Variants in TNNT3 observed in about 807,000 individuals in gnomAD.
The protein encoded by TNNT3 is troponin T3, fast skeletal type.
In TNNT3, 36 loss-of-function variants were observed where a neutral mutation model predicts 54.2. The ratio of observed to expected loss-of-function variants is 0.66; its 90% CI spans 0.51 to 0.88. TNNT3 has a LOEUF of 0.88. Among genes scored for constraint, TNNT3 ranks in the 40% least tolerant of loss-of-function variants. TNNT3 has a pLI of 0.00. For missense variants in TNNT3, 291 were observed against 331.6 expected (o/e 0.88, Z 0.95); for synonymous variants, 120 against 109.7 (o/e 1.09, Z -0.59).
At chr11:1,923,769 CTTAA>C (rs1001472532) in intron 4 of TNNT3, among the ~76,000 whole-genome samples, 197 bp downstream of exon 4, 8 of 152,114 alleles carry the variant, frequency 5.3e-5, no homozygotes, top group African/African-American at 1.7e-4. Context: ...GAGGCCACCA[CTTAA>C]TTAATGATGG....
chr11:1,932,632 T>C (rs1337318892), intron 9 of TNNT3, 118 bp downstream of exon 9: 1 of 946,834 alleles, frequency 1.1e-6, no homozygotes, highest in African/African-American at 1.6e-5. Flanking sequence ...CTCCTGGGTC[T>C]GGGCAATTCT....
At chr11:1,922,820 CCTCTCT>C (rs140086507) in intron 1 of TNNT3, 31 bp from the exon 2 acceptor site, 8 of 1,464,990 alleles carry the variant, frequency 5.5e-6, no homozygotes, top group East Asian at 2.4e-5. Flanking sequence ...CTCTTTCCAT[CCTCTCT>C]CTCTCTCTCT....
In TNNT3 at chr11:1,938,482, G is replaced by A. The variant is rs202179523; in HGVS notation, c.767G>A (p.Arg256His). Reference protein sequence around the residue: ...GTPAKGKVGGRWK With the variant: ...GTPAKGKVGGHWK ...CCAGCCAAGGGCAAAGTCGGCGGGCGCTGGAAGTAGAGAGGCCAGAAAGGC... is the reference window on the plus strand; with the variant it reads ...CCAGCCAAGGGCAAAGTCGGCGGGCACTGGAAGTAGAGAGGCCAGAAAGGC... The change falls in exon 16 of 16, where the codon CGC becomes CAC. Residue 256 changes from arginine to histidine, a missense_variant. Coordinates refer to ENST00000278317, the MANE Select transcript of TNNT3 (RefSeq NM_006757.4). 8 of 1,613,320 alleles carry A rather than the reference G, an allele frequency of 5.0e-6. No individual in the cohort carries two copies. The highest frequency in any genetic ancestry group is 2.2e-5 in the East Asian group (1 of 44,854).
chr11:1,926,355 A>T, intron 5 of TNNT3: 2 of 1,318,738 alleles, frequency 1.5e-6, no homozygotes, highest in South Asian at 1.2e-5. Flanking sequence ...CCCCGCACGC[A>T]CCCCACCCTC....
intron 14 of TNNT3, chr11:1,935,613 C>G (rs750289590): frequency 8.2e-4 from 135 of 165,414 alleles, no homozygotes; most frequent in Non-Finnish European, 1.5e-3. Flanking sequence ...CCCAAACACC[C>G]GTTTGGGCTC....
Position 1,938,584 on chromosome 11 carries a change from T to C in TNNT3, c.*92T>C. The C allele has an allele frequency of 2.2e-6, 3 of 1,342,704 alleles. No homozygotes were observed. The highest frequency in any genetic ancestry group is 1.1e-6 in the Non-Finnish European group (1 of 949,490). 83.2% of individuals were successfully genotyped at this position (1,342,704 alleles called of 1,614,324 possible). On this transcript the variant is annotated 3_prime_UTR_variant, in exon 16 of 16. Transcript: ENST00000278317. ...ACTCCACATCCTCCAGCCCCCACAA[T>C]CCTGTCAGGGGCTCCCTGACAGTCC...
At chr11:1,932,714 A>G (rs1853757397) in intron 9 of TNNT3, among the ~76,000 whole-genome samples, 200 bp downstream of exon 9, 1 of 151,712 alleles carries the variant, frequency 6.6e-6, no homozygotes, top group African/African-American at 2.4e-5. Context: ...TCCTCCATCT[A>G]TCCTTCTATC....
intron 8 of TNNT3, among the ~76,000 whole-genome samples, chr11:1,930,737 C>T (rs914326926): frequency 6.6e-5 from 10 of 152,124 alleles, no homozygotes; most frequent in Non-Finnish European, 1.0e-4. Flanking sequence ...AAGGGTACAG[C>T]CGGCGTATTC....
At position 1,928,194 on chromosome 11, in the gene TNNT3, C is replaced by T. The variant is rs546824275; in HGVS notation, c.83-926C>T. Among the ~76,000 whole-genome samples the T allele has an allele frequency of 4.9e-4, 74 of 152,366 alleles. 1 individual carries two copies. The East Asian group carries it at 0.013, about 26-fold the overall frequency. On this transcript the variant is annotated intron_variant, in intron 6 of 15. Coordinates refer to ENST00000278317, the MANE Select transcript of TNNT3 (RefSeq NM_006757.4). ...GAGGGCCGAGGGCATCGTGTGTCAA[C>T]GGCCTTGCTGCCACCTAAGGCCCAG... is the stretch of plus-strand genomic sequence containing the variant.
chr11:1,934,070 A>C, intron 11 of TNNT3, 62 bp downstream of exon 11: 3 of 1,511,806 alleles, frequency 2.0e-6, no homozygotes, highest in Non-Finnish European at 2.7e-6. Context: ...AGAGAAATGC[A>C]GGGGGCTGAG....
intron 7 of TNNT3, among the ~76,000 whole-genome samples, chr11:1,929,357 C>G (rs531597854): frequency 1.3e-5 from 2 of 152,270 alleles, no homozygotes; most frequent in South Asian, 4.1e-4. Context: ...GCCACCGCTC[C>G]AAGTTTCTGC....
intron 15 of TNNT3, 74 bp from the exon 16 acceptor site, chr11:1,938,364 G>A (rs778434568): frequency 2.7e-5 from 42 of 1,547,650 alleles, no homozygotes; most frequent in African/African-American, 4.1e-5. Context: ...CTGAGAGTCC[G>A]CCCAGGGTGG....
In TNNT3 at chr11:1,923,601, C is replaced by G. The variant is rs199583374; in HGVS notation, c.49+29C>G. 142 of 1,522,580 alleles carry G rather than the reference C, an allele frequency of 9.3e-5. No individual in the cohort carries two copies. In the South Asian group the frequency reaches 1.4e-3, roughly 16 times the overall value. The allele number at this position is 1,522,580 out of a possible 1,614,324, so 94.3% of individuals were successfully genotyped here. A position where few individuals can be genotyped will look rare whatever the true frequency, so the allele number is the denominator to read the frequency against. On this transcript the variant is annotated intron_variant, in intron 4 of 15. Transcript: ENST00000278317. ...ATTCTGGCAACCACCGGAAGCCCCC[C>G]CAGCCCCTCCTTGGAACTTAACCCC...
rs78052561 is a variant in TNNT3 at position 1,924,088 on chromosome 11, A to G, written c.49+516A>G. ...TCTCTCAGCTTCTCTCTGTCTCTGT[A>G]TCTTTCAGCCTCTTGGTCTCTGTCT... On this transcript the variant is annotated intron_variant, in intron 4 of 15. Coordinates refer to ENST00000278317, the MANE Select transcript of TNNT3 (RefSeq NM_006757.4). Among the ~76,000 whole-genome samples the G allele has an allele frequency of 4.8e-3, 734 of 151,468 alleles. 9 individuals carry two copies. The highest frequency in any genetic ancestry group is 0.017 in the African/African-American group (702 of 41,214).
At chr11:1,930,524 A>C (rs367668780) in intron 8 of TNNT3, among the ~76,000 whole-genome samples, 64 of 152,166 alleles carry the variant, frequency 4.2e-4, no homozygotes, top group African/African-American at 1.4e-3. Context: ...TGGTTTTTTT[A>C]ATGCAGCTCT....
At chr11:1,928,627 C>G (rs946538248) in intron 6 of TNNT3, among the ~76,000 whole-genome samples, 2 of 152,156 alleles carry the variant, frequency 1.3e-5, no homozygotes, top group Non-Finnish European at 2.9e-5. Flanking sequence ...GGCCTGAGGG[C>G]TGTAGTCATT....
intron 9 of TNNT3, among the ~76,000 whole-genome samples, chr11:1,932,983 T>A (rs1173964090): frequency 1.4e-5 from 2 of 148,018 alleles, no homozygotes; most frequent in East Asian, 4.0e-4. Context: ...CACTCACTCA[T>A]CTCTCCACTC....
At chr11:1,920,200 T>G (rs1206531557) in intron 1 of TNNT3, among the ~76,000 whole-genome samples, 1 of 152,164 alleles carries the variant, frequency 6.6e-6, no homozygotes, top group Non-Finnish European at 1.5e-5. Flanking sequence ...CGTCCTGGCC[T>G]TGCCATGCAG....
chr11:1,922,990 C>T (rs1850476146), intron 2 of TNNT3, 58 bp from the exon 3 acceptor site: 2 of 1,613,472 alleles, frequency 1.2e-6, no homozygotes, highest in Non-Finnish European at 1.7e-6. Context: ...CAAGTCCAAG[C>T]AAAGCCCAGC....
Sources: gnomAD v4.1 joint callset for allele counts (sites outside exome capture counted in the v4.1 genomes callset) on GRCh38, gnomAD v4.1.1 for gene constraint, MANE v1.5 for transcripts, NCBI Gene and HGNC (gene_info 2026-07-23, HGNC 2026-07-21) for gene names.